AHNAK: variants seen among roughly 807,000 people sequenced by gnomAD.
The protein encoded by AHNAK is neuroblast differentiation-associated protein AHNAK.
In AHNAK, 23 loss-of-function variants were observed where a neutral mutation model predicts 37.8. The observed-to-expected ratio is 0.61, with a 90% CI of 0.44 to 0.86. The LOEUF (loss-of-function observed/expected upper bound fraction) is 0.86, where lower values mean the gene tolerates loss of function less well. Ranked by LOEUF, AHNAK falls within the 40% of genes least tolerant of loss-of-function variation. AHNAK has a pLI of 0.00. For synonymous variants in AHNAK, 2,481 were observed against 2,636.3 expected (o/e 0.94, Z 1.80); for missense variants, 7,411 against 7,319.4 (o/e 1.01, Z -0.46).
intron 5 of AHNAK, among the ~76,000 whole-genome samples, chr11:62,465,576 G>T (rs1442572492): frequency 6.6e-6 from 1 of 152,018 alleles, no homozygotes; most frequent in Non-Finnish European, 1.5e-5. Context: ...TCGTGCCATT[G>T]CACTCCAGCT....
chr11:62,492,895 G>T (rs1302753461), intron 4 of AHNAK, among the ~76,000 whole-genome samples: 1 of 150,480 alleles, frequency 6.6e-6, no homozygotes, highest in Non-Finnish European at 1.5e-5. Context: ...AAGGGAGATT[G>T]CTCTTCCCCA....
intron 5 of AHNAK, among the ~76,000 whole-genome samples, chr11:62,480,814 A>AAC (rs905057046): frequency 8.2e-6 from 1 of 121,992 alleles, no homozygotes; most frequent in African/African-American, 2.7e-5. Context: ...AAAAAAAAAA[A>AAC]AAAAAAAAAA....
At chr11:62,455,689 G>A (rs1300882768) in intron 5 of AHNAK, among the ~76,000 whole-genome samples, 2 of 151,804 alleles carry the variant, frequency 1.3e-5, no homozygotes, top group Non-Finnish European at 2.9e-5. Context: ...TGGGCAACAA[G>A]AGCGAAACTC....
At chr11:62,490,802 T>G (rs1402931742) in intron 5 of AHNAK, among the ~76,000 whole-genome samples, 2 of 147,848 alleles carry the variant, frequency 1.4e-5, no homozygotes, top group Non-Finnish European at 2.9e-5. Flanking sequence ...TTTGTTTTTT[T>G]GGGACGGAAT....
At chr11:62,509,990 A>G (rs1939879610) in intron 4 of AHNAK, among the ~76,000 whole-genome samples, 1 of 152,174 alleles carries the variant, frequency 6.6e-6, no homozygotes, top group African/African-American at 2.4e-5. Flanking sequence ...GATATACTAC[A>G]TATTAGATAA....
At position 62,498,338 on chromosome 11, in the gene AHNAK, A is replaced by G. The variant is rs1939650805; in HGVS notation, c.343-6507T>C. The stretch of plus-strand genomic sequence containing the variant: ...AGGAGCACGCAAGTGTGTTTGGAAC[A>G]AGGGGAATTTCTCTTGTATTGTTTT... On this transcript the variant is annotated intron_variant, in intron 4 of 5. Transcript: ENST00000257247. Among the ~76,000 whole-genome samples the G allele has an allele frequency of 2.0e-5, 3 of 152,248 alleles. No individual in the cohort carries two copies. In the South Asian group the frequency reaches 6.2e-4, roughly 32 times the overall value.
At chr11:62,494,372 G>A (rs918131179) in intron 4 of AHNAK, among the ~76,000 whole-genome samples, 2 of 151,914 alleles carry the variant, frequency 1.3e-5, no homozygotes, top group Non-Finnish European at 2.9e-5. Flanking sequence ...CAGAAGGAAG[G>A]AATTTTTTTT....
At chr11:62,448,645 T>G (rs947762963) in intron 5 of AHNAK, among the ~76,000 whole-genome samples, 22 of 152,184 alleles carry the variant, frequency 1.4e-4, no homozygotes, top group Admixed American at 1.4e-3. Context: ...GGAGCTCCAC[T>G]TTGAGTTCCA....
At chr11:62,488,542 C>T (rs1293223638) in intron 5 of AHNAK, among the ~76,000 whole-genome samples, 1 of 151,450 alleles carries the variant, frequency 6.6e-6, no homozygotes, top group Admixed American at 6.6e-5. Flanking sequence ...GCTGGGATTA[C>T]AGGCGCCCAC....
At position 62,516,845 on chromosome 11, in the gene AHNAK, T is replaced by TAA; in HGVS notation, c.17571_17572insTT (p.Lys5858LeufsTer47). ...GAAGAGGAGGACAGTCGGGACTTCT[T>TAA]AGAGGCCAGGGACACCCCACTCCCC... On this transcript the variant is annotated frameshift_variant, in exon 5 of 5. Transcript: ENST00000378024. LOFTEE classifies it high-confidence loss of function. The TAA allele has an allele frequency of 6.2e-7, 1 of 1,614,150 alleles. No homozygotes were observed. Among genetic ancestry groups the TAA allele is most frequent in the Non-Finnish European group, 8.5e-7 (1 of 1,180,028 alleles).
chr11:62,436,581 AATT>A (rs1157041805), intron 5 of AHNAK, among the ~76,000 whole-genome samples: 1 of 151,814 alleles, frequency 6.6e-6, no homozygotes, highest in East Asian at 1.9e-4. Context: ...GTGCTCCATA[AATT>A]ATTATTGTTA....
rs137979261 is a variant in AHNAK, at chr11:62,520,086, G to A, written c.14331C>T (p.His4777=). ...PDVDVHGPDW[H]LKMPKVKMPK... ...GCATTTTCACCTTGGGCATCTTCAG[G>A]TGCCAGTCTGGGCCATGAACATCCA... The change falls in exon 5 of 5, where the codon CAC becomes CAT. Residue 4777 remains histidine, a synonymous_variant. Transcript: ENST00000378024. 3.3e-5 allele frequency: 53 copies of A among 1,612,078 alleles called. No individual in the cohort carries two copies. The African/African-American group carries it at 6.1e-4, about 18-fold the overall frequency.
At chr11:62,506,273 C>CT (rs1939810807) in intron 4 of AHNAK, among the ~76,000 whole-genome samples, 1 of 151,554 alleles carries the variant, frequency 6.6e-6, no homozygotes. Context: ...GTGGTCTGAG[C>CT]TTGAGGACGC....
rs554925458 is a variant in AHNAK, at chr11:62,527,646, T to C, written c.6771A>G (p.Lys2257=). 27 of 1,614,042 alleles carry C rather than the reference T, an allele frequency of 1.7e-5. No individual in the cohort carries two copies. The highest frequency in any genetic ancestry group is 6.7e-5 in the Admixed American group (4 of 60,008). Residue 2257 remains lysine (K), a synonymous_variant, in exon 5 of 5, where the codon AAA becomes AAG. Transcript: ENST00000378024. ...TCACATCCACTTCTGGGCCCTCTCC[T>C]TTGAAGCCAGGCATGCTGAACTTGG... ...KMPKFSMPGF[K]GEGPEVDVNL...
intron 5 of AHNAK, among the ~76,000 whole-genome samples, chr11:62,448,696 A>G (rs1938468553): frequency 1.3e-5 from 2 of 152,306 alleles, no homozygotes; most frequent in African/African-American, 4.8e-5. Context: ...GAGACATCCA[A>G]GTGAAGAAGA....
chr11:62,521,970 A>C lies in AHNAK; in HGVS notation c.12447T>G (p.Val4149=). ...KGPKMKGDVD[V]SLPKVEGDLK... is the part of the protein sequence containing the mutation. The stretch of plus-strand genomic sequence containing the variant: ...GGTCGCCTTCCACTTTGGGCAGAGA[A>C]ACGTCCACGTCGCCCTTCATCTTTG... Residue 4149 remains valine, a synonymous_variant, in exon 5 of 5, where the codon GTT becomes GTG. Transcript: ENST00000378024. 4.3e-6 allele frequency: 7 copies of C among 1,613,082 alleles called. No individual in the cohort carries two copies. The highest frequency in any genetic ancestry group is 5.1e-6 in the Non-Finnish European group (6 of 1,179,804).
At chr11:62,469,853 G>T (rs1331496716) in intron 5 of AHNAK, among the ~76,000 whole-genome samples, 1 of 152,182 alleles carries the variant, frequency 6.6e-6, no homozygotes, top group African/African-American at 2.4e-5. Context: ...AAAGTAACCT[G>T]TGAAACTGAT....
intron 5 of AHNAK, among the ~76,000 whole-genome samples, chr11:62,443,772 C>T (rs1938364292): frequency 6.6e-6 from 1 of 152,208 alleles, no homozygotes; most frequent in South Asian, 2.1e-4. Flanking sequence ...CATTCTGCTT[C>T]TGGTGATGAA....
intron 5 of AHNAK, among the ~76,000 whole-genome samples, chr11:62,440,480 A>T (rs1938281320): frequency 6.6e-6 from 1 of 152,058 alleles, no homozygotes; most frequent in African/African-American, 2.4e-5. Context: ...AACGGCAGAC[A>T]CAGATCCCAC....
Sources: gnomAD v4.1 joint callset for allele counts (sites outside exome capture counted in the v4.1 genomes callset) on GRCh38, gnomAD v4.1.1 for gene constraint, MANE v1.5 for transcripts, NCBI Gene and HGNC (gene_info 2026-07-23, HGNC 2026-07-21) for gene names.